Variants in TRAK1 observed in about 807,000 individuals in gnomAD.
The protein encoded by TRAK1 is trafficking kinesin-binding protein 1.
In TRAK1, 33 loss-of-function variants were observed where a neutral mutation model predicts 92.1. That is an observed-to-expected ratio of 0.36 (90% CI 0.27 to 0.48). TRAK1 has a LOEUF of 0.48. Ranked by LOEUF, TRAK1 falls within the 20% of genes least tolerant of loss-of-function variation. The pLI is 0.99. For synonymous variants in TRAK1, 521 were observed against 517.3 expected, an observed-to-expected ratio of 1.01 and a Z score of -0.10; for missense variants, 1,123 against 1,257.9, an observed-to-expected ratio of 0.89 and a Z score of 1.62.
intron 1 of TRAK1, among the ~76,000 whole-genome samples, chr3:42,055,041 TC>T (rs777018159): frequency 5.3e-5 from 8 of 150,142 alleles, no homozygotes; most frequent in Non-Finnish European, 8.9e-5. Flanking sequence ...TGTCTCAGCC[TC>T]CATAGTAGCT....
chr3:42,050,975 AATTTTT>A (rs1702955968), intron 1 of TRAK1, among the ~76,000 whole-genome samples: 1 of 152,182 alleles, frequency 6.6e-6, no homozygotes, highest in Admixed American at 6.5e-5. Flanking sequence ...TTTGAAGGAG[AATTTTT>A]ATTTTTATGT....
At chr3:42,174,897 G>C (rs1009116291) in intron 2 of TRAK1, among the ~76,000 whole-genome samples, 9 of 150,612 alleles carry the variant, frequency 6.0e-5, no homozygotes, top group African/African-American at 2.2e-4. Context: ...GTCTGCTTGT[G>C]GTTATCTACA....
intron 1 of TRAK1, among the ~76,000 whole-genome samples, chr3:42,108,046 A>G (rs1298593783): frequency 1.3e-5 from 2 of 151,898 alleles, no homozygotes; most frequent in African/African-American, 4.8e-5. Flanking sequence ...CTTTTATCTC[A>G]TTGGCCAACA....
intron 1 of TRAK1, among the ~76,000 whole-genome samples, chr3:42,073,393 T>G (rs1410388517): frequency 6.6e-6 from 1 of 152,186 alleles, no homozygotes; most frequent in Non-Finnish European, 1.5e-5. Flanking sequence ...AGTGTAGCAG[T>G]AGTTGCAGTT....
chr3:42,065,548 T>A (rs185541002), intron 1 of TRAK1, among the ~76,000 whole-genome samples: 301 of 152,106 alleles, frequency 2.0e-3, no homozygotes, highest in African/African-American at 6.9e-3. Flanking sequence ...GGCTATTCAG[T>A]TTGATATTAA....
chr3:42,209,957 C>T lies in TRAK1; in HGVS notation c.1935C>T (p.Ser645=). ...DHISLPRLAT[S]TPVQHPETSA... is the part of the protein sequence containing the mutation. Reference sequence around the variant, plus strand: ...TTTCTCTCCCACGCCTAGCTACCTCCACTCCAGTTCAGCACCCAGAGACCT... The same window carrying T: ...TTTCTCTCCCACGCCTAGCTACCTCTACTCCAGTTCAGCACCCAGAGACCT... The change falls in exon 14 of 16, where the codon TCC becomes TCT. Residue 645 remains serine (S), a synonymous_variant. Coordinates refer to ENST00000327628, the MANE Select transcript of TRAK1 (RefSeq NM_001042646.3). 8 of 1,614,220 alleles carry T rather than the reference C, an allele frequency of 5.0e-6. No individual in the cohort carries two copies. The highest frequency in any genetic ancestry group is 6.8e-6 in the Non-Finnish European group (8 of 1,180,050).
chr3:42,033,320 G>C (rs977640585), intron 1 of TRAK1, among the ~76,000 whole-genome samples: 3 of 152,188 alleles, frequency 2.0e-5, no homozygotes, highest in Admixed American at 2.0e-4. Flanking sequence ...GTGGTGGGGC[G>C]GAGCGGCTTT....
At chr3:42,088,876 G>A (rs1259458330), upstream of TRAK1, among the ~76,000 whole-genome samples, 3 of 152,164 alleles carry the variant, frequency 2.0e-5, no homozygotes, top group South Asian at 2.1e-4. Flanking sequence ...CAGCCTTTCC[G>A]CCTCTTTGCT....
intron 13 of TRAK1, chr3:42,203,392 T>G (rs962490572): frequency 1.3e-4 from 128 of 985,454 alleles, no homozygotes; most frequent in Non-Finnish European, 1.5e-4. Flanking sequence ...TAAGCCACCC[T>G]TTTTCAGGGT....
intron 12 of TRAK1, among the ~76,000 whole-genome samples, chr3:42,201,925 C>T (rs984342493): frequency 6.6e-6 from 1 of 150,966 alleles, no homozygotes; most frequent in Non-Finnish European, 1.5e-5. Context: ...CACACACACA[C>T]ACACACCATT....
At chr3:42,116,032 A>G (rs1157669000) in intron 1 of TRAK1, among the ~76,000 whole-genome samples, 1 of 152,264 alleles carries the variant, frequency 6.6e-6, no homozygotes, top group Non-Finnish European at 1.5e-5. Context: ...AATGAAAGGC[A>G]GTAATAGATA....
intron 1 of TRAK1, among the ~76,000 whole-genome samples, chr3:42,045,727 T>C (rs1702726937): frequency 6.6e-6 from 1 of 152,172 alleles, no homozygotes; most frequent in Admixed American, 6.5e-5. Context: ...ACACCTGTGG[T>C]TGGGATCCAG....
chr3:42,101,979 T>C (rs1231414938), intron 1 of TRAK1, among the ~76,000 whole-genome samples: 2 of 152,160 alleles, frequency 1.3e-5, no homozygotes, highest in African/African-American at 4.8e-5. Context: ...GTATGAAATA[T>C]CACGTACTTA....
intron 2 of TRAK1, chr3:42,146,285 G>A (rs1171577481): frequency 2.3e-5 from 7 of 302,924 alleles, no homozygotes; most frequent in Non-Finnish European, 4.7e-5. Context: ...CACTTGTCTT[G>A]CCATTCTTCC....
intron 1 of TRAK1, among the ~76,000 whole-genome samples, chr3:42,107,517 GAA>G (rs61327335): frequency 7.5e-5 from 8 of 107,018 alleles, no homozygotes; most frequent in African/African-American, 2.4e-4. Flanking sequence ...TTTCAAAAAA[GAA>G]AAAAAAAAAA....
intron 2 of TRAK1, among the ~76,000 whole-genome samples, chr3:42,130,960 T>C (rs568505883): frequency 3.5e-4 from 53 of 152,220 alleles, no homozygotes; most frequent in African/African-American, 1.2e-3. Flanking sequence ...AAGTAGAACC[T>C]ACAGTAATAT....
intron 1 of TRAK1, among the ~76,000 whole-genome samples, chr3:42,039,727 A>G (rs1702463652): frequency 6.6e-6 from 1 of 152,188 alleles, no homozygotes; most frequent in Admixed American, 6.5e-5. Context: ...TTTTGTGTGG[A>G]TGTATAACAT....
At position 42,191,655 on chromosome 3, in the gene TRAK1, G is replaced by A; in HGVS notation, c.769+19G>A. The A allele has an allele frequency of 6.3e-7, 1 of 1,583,332 alleles. No individual in the cohort carries two copies. The highest frequency in any genetic ancestry group is 1.8e-5 in the Admixed American group (1 of 55,616). ...GAGCTGAGTATGTCCCCGCACTGCT[G>A]TCTTCTTACTTCCTTGCATCTGCTG... On this transcript the variant is annotated intron_variant, in intron 7 of 15. Transcript: ENST00000327628.
chr3:42,199,477 G>T (rs1483318296), intron 11 of TRAK1, among the ~76,000 whole-genome samples: 1 of 152,068 alleles, frequency 6.6e-6, no homozygotes, highest in Non-Finnish European at 1.5e-5. Context: ...TTTTAGAGAT[G>T]GGGTGTCTCA....
Sources: gnomAD v4.1 joint callset for allele counts (sites outside exome capture counted in the v4.1 genomes callset) on GRCh38, gnomAD v4.1.1 for gene constraint, MANE v1.5 for transcripts, NCBI Gene and HGNC (gene_info 2026-07-23, HGNC 2026-07-21) for gene names.